Variants in SPOCK3 observed in about 807,000 individuals in gnomAD.
SPOCK3 encodes the protein testican-3.
A neutral mutation model predicts 56.6 loss-of-function variants in SPOCK3; 30 were observed. That is an observed-to-expected ratio of 0.53 (90% confidence interval 0.40 to 0.72). SPOCK3 has a LOEUF of 0.72. Among genes scored for constraint, SPOCK3 ranks in the 30% least tolerant of loss-of-function variants. SPOCK3 has a pLI of 0.00. For synonymous variants in SPOCK3, 196 were observed against 183.3 expected (o/e 1.07, Z -0.56); for missense variants, 527 against 530.0 (o/e 0.99, Z 0.06).
chr4:167,231,802 T>C (rs1737204096), intron 2 of SPOCK3, among the ~76,000 whole-genome samples: 1 of 152,158 alleles, frequency 6.6e-6, no homozygotes, highest in African/African-American at 2.4e-5. Flanking sequence ...AAGCAACAGG[T>C]GGTTCAAGGG....
intron 8 of SPOCK3, among the ~76,000 whole-genome samples, chr4:166,744,407 G>A (rs925974372): frequency 6.6e-6 from 1 of 152,090 alleles, no homozygotes; most frequent in Non-Finnish European, 1.5e-5. Context: ...CTGTTGGAAG[G>A]AAAAGCAACA....
At chr4:166,847,647 T>TTTTATATATATATATA (rs369353581) in intron 6 of SPOCK3, among the ~76,000 whole-genome samples, 13 of 55,392 alleles carry the variant, frequency 2.3e-4, no homozygotes, top group African/African-American at 4.6e-4. Context: ...AAATCCTAGT[T>TTTTATATATATATATA]TATATATATA....
chr4:166,927,293 T>C lies in SPOCK3; in HGVS notation c.351-14550A>G, dbSNP rs545051441. ...GATGCTGTGAGGGATAATTGAATCA[T>C]TGGGGCGGTTTCTCCATACAGTTCC... On this transcript the variant is annotated intron_variant, in intron 4 of 10. Transcript: ENST00000357545. Among the ~76,000 whole-genome samples the C allele has an allele frequency of 8.3e-4, 126 of 152,246 alleles. 1 individual carries two copies. Among genetic ancestry groups the C allele is most frequent in the Non-Finnish European group, 4.6e-4 (31 of 68,008 alleles).
chr4:166,830,359 C>T (rs1050253152), intron 6 of SPOCK3, among the ~76,000 whole-genome samples: 1 of 152,140 alleles, frequency 6.6e-6, no homozygotes, highest in Non-Finnish European at 1.5e-5. Flanking sequence ...AAACTTGTTA[C>T]TTTAAACATA....
At chr4:166,949,293 C>A (rs565664312) in intron 4 of SPOCK3, among the ~76,000 whole-genome samples, 13 of 152,140 alleles carry the variant, frequency 8.5e-5, no homozygotes, top group African/African-American at 3.1e-4. Flanking sequence ...TTTGAATTTC[C>A]TCCTGTAGCT....
At chr4:166,861,851 T>C (rs1731278399) in intron 6 of SPOCK3, among the ~76,000 whole-genome samples, 1 of 152,162 alleles carries the variant, frequency 6.6e-6, no homozygotes, top group African/African-American at 2.4e-5. Flanking sequence ...AACATTTGTC[T>C]GGTGTGGGAT....
At chr4:167,223,229 T>G (rs1736235317) in intron 2 of SPOCK3, among the ~76,000 whole-genome samples, 1 of 137,802 alleles carries the variant, frequency 7.3e-6, no homozygotes, top group Admixed American at 7.5e-5. Flanking sequence ...ATATAATATA[T>G]AATATATTTT....
chr4:167,193,268 C>T (rs1732631112), intron 2 of SPOCK3, among the ~76,000 whole-genome samples: 1 of 145,334 alleles, frequency 6.9e-6, no homozygotes, highest in African/African-American at 2.6e-5. Context: ...TATTCCTTTC[C>T]CTTTATATTT....
intron 5 of SPOCK3, among the ~76,000 whole-genome samples, chr4:166,899,930 C>T (rs1359352185): frequency 6.6e-6 from 1 of 152,162 alleles, no homozygotes; most frequent in Non-Finnish European, 1.5e-5. Flanking sequence ...GGCCCAAAAT[C>T]TTATTGCATT....
At chr4:166,939,124 A>G (rs2150011931) in intron 4 of SPOCK3, among the ~76,000 whole-genome samples, 1 of 152,304 alleles carries the variant, frequency 6.6e-6, no homozygotes, top group African/African-American at 2.4e-5. Context: ...TTGGTAGAAC[A>G]TAGATTCTTT....
At chr4:166,816,025 A>G (rs1744344123) in intron 6 of SPOCK3, among the ~76,000 whole-genome samples, 1 of 152,100 alleles carries the variant, frequency 6.6e-6, no homozygotes, top group African/African-American at 2.4e-5. Context: ...GGTTAAAAAT[A>G]TAACAACGTA....
intron 6 of SPOCK3, among the ~76,000 whole-genome samples, chr4:166,868,013 T>G (rs1168598346): frequency 6.6e-6 from 1 of 152,050 alleles, no homozygotes; most frequent in Non-Finnish European, 1.5e-5. Context: ...AAAATAAGTT[T>G]TGAGAATTTA....
chr4:167,022,268 G>A (rs1487194110), intron 3 of SPOCK3, among the ~76,000 whole-genome samples: 1 of 151,966 alleles, frequency 6.6e-6, no homozygotes, highest in African/African-American at 2.4e-5. Flanking sequence ...TAAATCTCTA[G>A]GATATTCACA....
intron 2 of SPOCK3, among the ~76,000 whole-genome samples, chr4:167,149,838 T>C (rs1266678833): frequency 9.7e-5 from 1 of 10,352 alleles, no homozygotes; most frequent in Non-Finnish European, 1.7e-4. Context: ...TGTATATATA[T>C]ATGTATATAT....
chr4:166,824,986 C>T (rs78325983), intron 6 of SPOCK3, among the ~76,000 whole-genome samples: 3,336 of 152,128 alleles, frequency 0.022, 129 homozygotes, highest in African/African-American at 0.077. Context: ...AGAATGGAAT[C>T]ACATTTAATT....
intron 2 of SPOCK3, among the ~76,000 whole-genome samples, chr4:167,213,705 G>C (rs1735091770): frequency 6.7e-6 from 1 of 150,338 alleles, no homozygotes; most frequent in Admixed American, 6.6e-5. Context: ...AAACATCAAG[G>C]CTTCAATATA....
chr4:166,884,456 T>G (rs1733994193), intron 6 of SPOCK3, among the ~76,000 whole-genome samples: 2 of 152,126 alleles, frequency 1.3e-5, no homozygotes, highest in South Asian at 4.1e-4. Context: ...TGTACAAATA[T>G]TTTGCAAAAT....
chr4:167,153,208 G>A (rs1016482972), intron 2 of SPOCK3, among the ~76,000 whole-genome samples: 3 of 152,126 alleles, frequency 2.0e-5, no homozygotes, highest in African/African-American at 7.2e-5. Context: ...CAGATCATCT[G>A]CAGATCATCT....
At chr4:167,217,378 A>AT (rs768568447) in intron 2 of SPOCK3, among the ~76,000 whole-genome samples, 57 of 151,956 alleles carry the variant, frequency 3.8e-4, no homozygotes, top group Non-Finnish European at 6.2e-4. Flanking sequence ...GTTTCTTGGT[A>AT]TTTTTTCCTA....
Sources: gnomAD v4.1 joint callset for allele counts (sites outside exome capture counted in the v4.1 genomes callset) on GRCh38, gnomAD v4.1.1 for gene constraint, MANE v1.5 for transcripts, NCBI Gene and HGNC (gene_info 2026-07-23, HGNC 2026-07-21) for gene names.